Variants in STAT3 observed in about 807,000 individuals in gnomAD.
The protein encoded by STAT3 is DNA-binding protein APRF.
A neutral mutation model predicts 114.3 loss-of-function variants in STAT3; 7 were observed. The ratio of observed to expected loss-of-function variants is 0.06; its 90% CI spans 0.03 to 0.11. The LOEUF (loss-of-function observed/expected upper bound fraction) is 0.11. STAT3 is among the 10% of genes least tolerant of loss of function. The pLI, the probability that STAT3 is intolerant of heterozygous loss-of-function variation, is 1.00. For synonymous variants in STAT3, 331 were observed against 354.5 expected (o/e 0.93, Z 0.74); for missense variants, 364 against 960.9 (o/e 0.38, Z 8.21).
intron 4 of STAT3, among the ~76,000 whole-genome samples, chr17:42,345,256 ACT>A (rs957607428): frequency 2.0e-5 from 3 of 150,992 alleles, no homozygotes; most frequent in Non-Finnish European, 4.4e-5. Context: ...CAAGAGCAAA[ACT>A]CTGTCTCAGA....
Position 42,322,401 on chromosome 17 carries a change from T to A in STAT3, c.1982A>T (p.Asp661Val), listed in dbSNP as rs2081519463. 1.2e-6 allele frequency: 2 copies of A among 1,614,186 alleles called. No individual in the cohort carries two copies. The highest frequency in any genetic ancestry group is 1.7e-6 in the Non-Finnish European group (2 of 1,180,010). The change falls in exon 21 of 24, where the codon GAT becomes GTT. Residue 661 changes from aspartate to valine, a missense_variant. By Grantham distance (152) the Asp-to-Val change is radical. Around this residue, in one of 5 missense-constraint regions of STAT3, gnomAD observed 11 missense variants for 85.2 expected, o/e 0.13. Transcript: ENST00000264657. The stretch of plus-strand genomic sequence containing the variant: ...TGGAGACACCAGGATATTGGTAGCA[T>A]CCATGATCTTATAGCCCATGATGAT... ...AEIIMGYKIM[D>V]ATNILVSPLV...
chr17:42,348,609 G>T, intron 1 of STAT3, 70 bp from the exon 2 acceptor site: 1 of 1,572,718 alleles, frequency 6.4e-7, no homozygotes, highest in Non-Finnish European at 8.7e-7. Flanking sequence ...AGTAGCCATT[G>T]CCCAACACAG....
chr17:42,368,252 T>C (rs1432767667), intron 1 of STAT3, among the ~76,000 whole-genome samples: 1 of 152,208 alleles, frequency 6.6e-6, no homozygotes, highest in Non-Finnish European at 1.5e-5. Flanking sequence ...GTTAAACTGT[T>C]ACAGAATTGT....
intron 2 of STAT3, among the ~76,000 whole-genome samples, 164 bp downstream of exon 2, chr17:42,348,225 C>T (rs1474243266): frequency 6.6e-6 from 1 of 152,182 alleles, no homozygotes; most frequent in Non-Finnish European, 1.5e-5. Flanking sequence ...ATAAAAAAGG[C>T]TTTACAAGAC....
chr17:42,386,579 C>A (rs2085116681), intron 1 of STAT3, among the ~76,000 whole-genome samples: 1 of 151,994 alleles, frequency 6.6e-6, no homozygotes, highest in African/African-American at 2.4e-5. Flanking sequence ...ACTCTAGACC[C>A]AATTCCTGGC....
intron 10 of STAT3, among the ~76,000 whole-genome samples, chr17:42,332,838 CA>C (rs927814098): frequency 1.2e-3 from 165 of 139,114 alleles, no homozygotes; most frequent in Non-Finnish European, 1.1e-3. Context: ...GACTCTGTCT[CA>C]AAAAAAAAAA....
chr17:42,316,957 GA>G (rs71157612), intron 22 of STAT3, 56 bp from the exon 23 acceptor site: 63,044 of 865,432 alleles, frequency 0.073, 72 homozygotes, highest in East Asian at 0.11. Flanking sequence ...AGACACAATG[GA>G]AAAAAAAAAA....
At chr17:42,321,990 T>G (rs2081504174) in intron 21 of STAT3, among the ~76,000 whole-genome samples, 1 of 151,998 alleles carries the variant, frequency 6.6e-6, no homozygotes, top group Non-Finnish European at 1.5e-5. Flanking sequence ...CACCGGGTAA[T>G]TTTTTTGGAT....
At chr17:42,323,222 G>A (rs772375455) in intron 19 of STAT3, 38 bp downstream of exon 19, 1 of 1,614,050 alleles carries the variant, frequency 6.2e-7, no homozygotes, top group African/African-American at 1.3e-5. Flanking sequence ...TGAGAGCAGG[G>A]GACTTGGTTA....
intron 23 of STAT3, chr17:42,316,004 AC>A (rs1220234240): frequency 9.0e-6 from 13 of 1,438,498 alleles, no homozygotes; most frequent in Non-Finnish European, 1.8e-6. Context: ...TCTCATTCCC[AC>A]CTTAACTGAT....
At chr17:42,368,650 G>A (rs1018794832) in intron 1 of STAT3, among the ~76,000 whole-genome samples, 30 of 151,680 alleles carry the variant, frequency 2.0e-4, no homozygotes, top group Non-Finnish European at 4.3e-4. Flanking sequence ...AGTAGAGACA[G>A]GGTTTCTCCA....
chr17:42,330,843 G>T (rs920133508), intron 11 of STAT3, among the ~76,000 whole-genome samples: 3 of 152,166 alleles, frequency 2.0e-5, no homozygotes, highest in Non-Finnish European at 4.4e-5. Flanking sequence ...TTAAAAAAAA[G>T]AGATCTATTC....
Position 42,337,010 on chromosome 17 carries a change from T to C in STAT3, c.797+425A>G, listed in dbSNP as rs571892580. 6.6e-6 allele frequency among the ~76,000 whole-genome samples: 1 copy of C among 152,198 alleles called. No homozygotes were observed. The highest frequency in any genetic ancestry group is 2.4e-5 in the African/African-American group (1 of 41,450). On this transcript the variant is annotated intron_variant, in intron 8 of 23. Transcript: ENST00000264657. The surrounding 1 kb of genome is among the most constrained non-coding windows in gnomAD (Gnocchi z 4.0). Reference sequence around the variant, plus strand: ...ATTTTTTTGAGATGGAGTCTCACTCTGTCTCCCAGGCTGGTTGGTGTGCGG... The same window carrying C: ...ATTTTTTTGAGATGGAGTCTCACTCCGTCTCCCAGGCTGGTTGGTGTGCGG...
intron 2 of STAT3, 74 bp from the exon 3 acceptor site, chr17:42,346,787 G>A (rs2082715952): frequency 1.2e-6 from 2 of 1,607,352 alleles, no homozygotes. Context: ...TCACCATCAA[G>A]AAAGAGGAAA....
rs761232183 is a variant in STAT3, at chr17:42,329,534, G to A, written c.1233+20C>T. ...CCGGCAGCCAGAGGCCCTTTGTGAA[G>A]GGGAGCTCCTCCCACATACCAAGTG... On this transcript the variant is annotated intron_variant, in intron 13 of 23. Transcript: ENST00000264657. 2.2e-5 allele frequency: 36 copies of A among 1,614,018 alleles called. No homozygotes were observed. In the South Asian group the frequency reaches 3.5e-4, roughly 16 times the overall value.
At chr17:42,334,527 C>G (rs1247178651) in intron 8 of STAT3, among the ~76,000 whole-genome samples, 1 of 149,826 alleles carries the variant, frequency 6.7e-6, no homozygotes, top group East Asian at 2.0e-4. Context: ...TCACTGCAAC[C>G]TCCGCCTCCC....
At chr17:42,329,718 A>G in intron 12 of STAT3, 29 bp downstream of exon 12, 1 of 1,614,228 alleles carries the variant, frequency 6.2e-7, no homozygotes, top group East Asian at 2.2e-5. Context: ...GTTAAACGGA[A>G]CAAAAGGAAG....
rs886324224 is a variant in STAT3 at position 42,346,814 on chromosome 17, G to C, written c.129-101C>G. The stretch of plus-strand genomic sequence containing the variant: ...AAGAGGAAAAAAACAAAAAAACAAA[G>C]CAAACCTGATGCTATAACCCATTCA... On this transcript the variant is annotated intron_variant, in intron 2 of 23. Transcript: ENST00000264657. The C allele has an allele frequency of 1.1e-5, 17 of 1,529,832 alleles. No individual in the cohort carries two copies. The African/African-American group carries it at 1.8e-4, about 16-fold the overall frequency. 94.8% of individuals were successfully genotyped at this position (1,529,832 alleles called of 1,614,324 possible).
intron 1 of STAT3, among the ~76,000 whole-genome samples, chr17:42,377,517 C>A (rs138368697): frequency 6.6e-6 from 1 of 152,232 alleles, no homozygotes; most frequent in Non-Finnish European, 1.5e-5. Flanking sequence ...AGGAACAACA[C>A]CCAGAGAATA....
Sources: gnomAD v4.1 joint callset for allele counts (sites outside exome capture counted in the v4.1 genomes callset) on GRCh38, gnomAD v4.1.1 for gene constraint, gnomAD v4.1.1 regional missense constraint, Gnocchi (gnomAD v3.1) non-coding constraint, MANE v1.5 for transcripts, NCBI Gene and HGNC (gene_info 2026-07-23, HGNC 2026-07-21) for gene names.